The following FLT3LG variants were observed in gnomAD, a reference collection of about 807,000 sequenced individuals.
FLT3LG encodes fms related receptor tyrosine kinase 3 ligand, also known as fms-related tyrosine kinase 3 ligand.
Under a neutral mutation model 30.9 loss-of-function variants are expected in FLT3LG, and 8 were observed. The observed-to-expected ratio is 0.26, with a 90% CI of 0.15 to 0.47. The LOEUF (loss-of-function observed/expected upper bound fraction) is 0.47, where lower values mean the gene tolerates loss of function less well. Ranked by LOEUF, FLT3LG falls within the 20% of genes least tolerant of loss-of-function variation. FLT3LG has a pLI of 0.99. For missense variants in FLT3LG, 278 were observed against 306.2 expected (o/e 0.91, Z 0.69); for synonymous variants, 123 against 135.9 (o/e 0.91, Z 0.66).
chr19:49,477,192 G>C (rs1168098816), intron 5 of FLT3LG, among the ~76,000 whole-genome samples: 2 of 152,130 alleles, frequency 1.3e-5, no homozygotes, highest in African/African-American at 4.8e-5. Context: ...TGTAATCCCA[G>C]CACTTTCGGA....
Position 49,480,352 on chromosome 19 carries a change from C to T in FLT3LG, c.536C>T (p.Pro179Leu), listed in dbSNP as rs752472177. 2.2e-5 allele frequency: 36 copies of T among 1,610,520 alleles called. No individual in the cohort carries two copies. The highest frequency in any genetic ancestry group is 2.8e-5 in the Non-Finnish European group (33 of 1,178,598). The change falls in exon 7 of 9, where the codon CCG becomes CTG. Residue 179 changes from proline (P) to leucine (L), a missense_variant. Physicochemically the swap from Pro to Leu is moderately conservative, Grantham distance 98 (BLOSUM62 -3). Coordinates refer to ENST00000597551, the MANE Select transcript of FLT3LG (RefSeq NM_001459.4). ...CCCCGGCCCCTGGAGGCCACAGCCC[C>T]GACAGCCCCGCAGCCCCCTCTGCTC... The part of the protein sequence containing the change: ...WSPRPLEATA[P>L]TAPQPPLLLL...
intron 5 of FLT3LG, among the ~76,000 whole-genome samples, chr19:49,477,094 C>T (rs568084451): frequency 5.3e-5 from 8 of 152,218 alleles, no homozygotes; most frequent in Admixed American, 3.9e-4. Context: ...CACTGCACTC[C>T]AGCCTGGGAG....
Position 49,478,863 on chromosome 19 carries a change from G to A in FLT3LG, c.343-46G>A, listed in dbSNP as rs114380263. ...AAGGGCCTTTGGCCTGCGGAGGGGC[G>A]GTGGGGGGATGACGTGGTGGTGACG... is the stretch of plus-strand genomic sequence containing the variant. On this transcript the variant is annotated intron_variant, in intron 5 of 8. Transcript: ENST00000597551. 1,895 of 1,462,174 alleles carry A rather than the reference G, an allele frequency of 1.3e-3. 28 individuals are homozygous for A. The African/African-American group carries it at 0.022, about 17-fold the overall frequency. The allele number at this position is 1,462,174 out of a possible 1,614,324, so 90.6% of individuals were successfully genotyped here. A position where few individuals can be genotyped will look rare whatever the true frequency, so the allele number is the denominator to read the frequency against.
intron 2 of FLT3LG, among the ~76,000 whole-genome samples, chr19:49,475,370 G>C (rs1741087636): frequency 6.6e-6 from 1 of 151,730 alleles, no homozygotes; most frequent in Non-Finnish European, 1.5e-5. Context: ...GGCAGAGGGA[G>C]GGACAGAGCT....
chr19:49,478,928 G>T lies in FLT3LG; in HGVS notation c.362G>T (p.Arg121Leu). The T allele has an allele frequency of 1.3e-6, 2 of 1,547,540 alleles. No individual in the cohort carries two copies. Among genetic ancestry groups the T allele is most frequent in the Non-Finnish European group, 1.7e-6 (2 of 1,145,524 alleles). ...CAFQPPPSCLRFVQTNISRLL... is the reference protein window; with the variant it reads ...CAFQPPPSCLLFVQTNISRLL... ...TCCCAGCCCCCCCCCAGCTGTCTTC[G>T]CTTCGTCCAGACCAACATCTCCCGC... The change falls in exon 6 of 9, where the codon CGC (arginine) becomes CTC (leucine). Residue 121 changes from arginine (R) to leucine (L), a missense_variant. Arg to Leu is a moderately radical substitution (Grantham distance 102). This residue lies in a region of FLT3LG where 170 missense variants were observed against 162.0 expected (regional missense o/e 1.05). Transcript: ENST00000597551.
chr19:49,475,573 C>A, intron 2 of FLT3LG, 118 bp from the exon 3 acceptor site: 2 of 1,333,032 alleles, frequency 1.5e-6, no homozygotes, highest in Non-Finnish European at 2.0e-6. Context: ...GTGGAAGAGG[C>A]AGAAGGACAC....
intron 5 of FLT3LG, 137 bp from the exon 6 acceptor site, chr19:49,478,772 A>T: frequency 1.3e-6 from 1 of 771,610 alleles, no homozygotes. Flanking sequence ...AAAATTAATT[A>T]ATTAAATAAA....
chr19:49,480,280 C>CCTCCTCTTTCTCCCCAGA lies in FLT3LG; in HGVS notation c.482-11_488dup. The CCTCCTCTTTCTCCCCAGA allele has an allele frequency of 6.4e-7, 1 of 1,551,850 alleles. No homozygotes were observed. ...CCAGCCCTTCTCCTTGGTCACCCAG[C>CCTCCTCTTTCTCCCCAGA]CTCCTCTTTCTCCCCAGACTCCTCA... On this transcript the variant is annotated splice_polypyrimidine_tract_variant and intron_variant, in intron 6 of 8. Coordinates refer to ENST00000597551, the MANE Select transcript of FLT3LG (RefSeq NM_001459.4).
chr19:49,474,802 T>C, intron 2 of FLT3LG, 130 bp downstream of exon 2: 1 of 960,870 alleles, frequency 1.0e-6, no homozygotes, highest in Non-Finnish European at 1.6e-6. Context: ...GATGGACAGA[T>C]GTGAGGGGAG....
At chr19:49,478,194 C>A (rs764164907) in intron 5 of FLT3LG, among the ~76,000 whole-genome samples, 5 of 133,434 alleles carry the variant, frequency 3.7e-5, no homozygotes, top group African/African-American at 1.6e-4. Flanking sequence ...ATAGGCTGGG[C>A]ACGGTGGCTC....
intron 6 of FLT3LG, 147 bp downstream of exon 6, chr19:49,479,194 ATTTT>A (rs5828400): frequency 5.7e-4 from 271 of 474,456 alleles, no homozygotes; most frequent in South Asian, 1.7e-3. Context: ...CAGTTTACCA[ATTTT>A]TTTTTTTTTT....
chr19:49,480,893 A>T (rs2122547817), intron 8 of FLT3LG: 1 of 416,154 alleles, frequency 2.4e-6, no homozygotes, highest in Admixed American at 3.8e-5. Flanking sequence ...TTAACTGGGC[A>T]TAGTGGTGTG....
intron 3 of FLT3LG, 170 bp from the exon 4 acceptor site, chr19:49,475,975 T>C (rs2079380360): frequency 2.0e-6 from 2 of 981,696 alleles, no homozygotes; most frequent in Non-Finnish European, 3.2e-6. Flanking sequence ...CGTGAGCCAC[T>C]GTGCTTAGGG....
intron 5 of FLT3LG, among the ~76,000 whole-genome samples, chr19:49,478,364 G>A (rs2079470997): frequency 6.6e-6 from 1 of 152,134 alleles, no homozygotes; most frequent in Non-Finnish European, 1.5e-5. Context: ...CTACCTGGGA[G>A]GCTGAGGCAG....
At chr19:49,484,519 C>T (rs1020628075) in intron 8 of FLT3LG, among the ~76,000 whole-genome samples, 3 of 150,796 alleles carry the variant, frequency 2.0e-5, no homozygotes, top group South Asian at 2.1e-4. Context: ...GTTTTTGAGA[C>T]GGAGTCTCAC....
At position 49,476,453 on chromosome 19, in the gene FLT3LG, G is replaced by T. The variant is rs2079397912; in HGVS notation, c.229G>T (p.Val77Phe). The T allele has an allele frequency of 1.2e-6, 2 of 1,613,826 alleles. No homozygotes were observed. The highest frequency in any genetic ancestry group is 2.2e-5 in the South Asian group (2 of 91,088). Residue 77 changes from valine to phenylalanine, a missense_variant, in exon 5 of 9, where the codon GTC becomes TTC. Around this residue, in one of 3 missense-constraint regions of FLT3LG, gnomAD observed 68 missense variants for 110.0 expected, o/e 0.62. Transcript: ENST00000597551. This position sits in a 1 kb window ranked among gnomAD's most constrained non-coding sequence, Gnocchi z 5.3. The part of the protein sequence containing the change: ...EELCGGLWRL[V>F]LAQRWMERLK... ...GCTCTGCGGGGGCCTCTGGCGGCTG[G>T]TCCTGGCACAGCGCTGGATGGAGCG...
chr19:49,474,902 TAGAG>T (rs148355603), intron 2 of FLT3LG, among the ~76,000 whole-genome samples: 42 of 39,480 alleles, frequency 1.1e-3, no homozygotes, highest in African/African-American at 5.0e-3. Flanking sequence ...GAGAGGGAGA[TAGAG>T]AGGAGTGGGA....
chr19:49,475,702 C>T lies in FLT3LG; in HGVS notation c.45C>T (p.Leu15=), dbSNP rs1568666104. The change falls in exon 3 of 9, where the codon CTC becomes CTT. Residue 15 remains leucine (L), a synonymous_variant. Transcript: ENST00000597551. ...CCGCTCCCCTGCAGACCTATCTCCT[C>T]CTGCTGCTGCTGCTGAGCTCGGGAC... is the stretch of plus-strand genomic sequence containing the variant. ...APAWSPTTYL[L]LLLLLSSGLS... 1.9e-6 allele frequency: 3 copies of T among 1,595,710 alleles called. No homozygotes were observed. The highest frequency in any genetic ancestry group is 1.4e-5 in the African/African-American group (1 of 73,812).
At chr19:49,480,270 G>T (rs751388006) in intron 6 of FLT3LG, 28 bp from the exon 7 acceptor site, 1 of 1,520,406 alleles carries the variant, frequency 6.6e-7, no homozygotes, top group Non-Finnish European at 8.9e-7. Context: ...CCTTCTCCTT[G>T]GTCACCCAGC....
Sources: allele counts gnomAD v4.1 joint callset (sites outside exome capture counted in the v4.1 genomes callset), GRCh38; gene constraint gnomAD v4.1.1; regional missense constraint gnomAD v4.1.1; non-coding constraint Gnocchi (gnomAD v3.1); transcripts MANE v1.5; gene names NCBI Gene and HGNC (gene_info 2026-07-23, HGNC 2026-07-21).